The following AXL variants were observed in gnomAD, a reference collection of about 807,000 sequenced individuals.
The protein encoded by AXL is tyrosine-protein kinase receptor UFO.
Under a neutral mutation model 104.5 loss-of-function variants are expected in AXL, and 52 were observed. The ratio of observed to expected loss-of-function variants is 0.50; its 90% confidence interval spans 0.40 to 0.63. AXL has a LOEUF of 0.63. Ranked by LOEUF, AXL falls within the 20% of genes least tolerant of loss-of-function variation. The pLI is 0.00. For missense variants in AXL, 1,024 were observed against 1,188.5 expected (o/e 0.86, Z 2.04); for synonymous variants, 455 against 473.7 (o/e 0.96, Z 0.51).
chr19:41,231,871 G>A (rs2033994584), intron 6 of AXL, among the ~76,000 whole-genome samples: 1 of 150,666 alleles, frequency 6.6e-6, no homozygotes, highest in Admixed American at 6.6e-5. Context: ...AGGTTGCAGT[G>A]AGCCAAGATC....
rs561980832 is a variant in AXL at position 41,221,630 on chromosome 19, G to A, written c.410-250G>A. 3 of 540,582 alleles carry A rather than the reference G, an allele frequency of 5.5e-6. No homozygotes were observed. The East Asian group carries it at 9.8e-5, about 18-fold the overall frequency. The allele number at this position is 540,582 out of a possible 1,614,324, so 33.5% of individuals were successfully genotyped here. A position where few individuals can be genotyped will look rare whatever the true frequency, so the allele number is the denominator to read the frequency against. On this transcript the variant is annotated intron_variant, in intron 3 of 19. Coordinates refer to ENST00000301178, the MANE Select transcript of AXL (RefSeq NM_021913.5). The stretch of plus-strand genomic sequence containing the variant: ...CTCATCCATAGAATGAGATGAGGAT[G>A]AGCTGTCAGACATTCTGGAAGAGAG...
intron 12 of AXL, chr19:41,243,994 C>G (rs763629384): frequency 2.2e-5 from 7 of 313,984 alleles, no homozygotes; most frequent in Non-Finnish European, 4.2e-5. Context: ...TCACTTGAGC[C>G]CAGGAGTTCG....
At chr19:41,219,528 C>T in intron 1 of AXL, 51 bp downstream of exon 1, 1 of 1,462,734 alleles carries the variant, frequency 6.8e-7, no homozygotes, top group Non-Finnish European at 9.2e-7. Flanking sequence ...GGGGCTGGGG[C>T]AGGGGTAGGA....
chr19:41,230,943 C>T, intron 4 of AXL, 24 bp from the exon 5 acceptor site: 5 of 1,610,776 alleles, frequency 3.1e-6, no homozygotes, highest in Non-Finnish European at 4.2e-6. Context: ...TGATATTGGA[C>T]CCTTCCCTCA....
At chr19:41,235,113 G>A (rs895403195) in intron 6 of AXL, among the ~76,000 whole-genome samples, 12 of 152,276 alleles carry the variant, frequency 7.9e-5, no homozygotes, top group Middle Eastern at 3.4e-3. Context: ...AGCACTTTGG[G>A]AGGCTGAGCG....
chr19:41,241,326 T>G (rs984626385), intron 10 of AXL, among the ~76,000 whole-genome samples: 3 of 152,090 alleles, frequency 2.0e-5, no homozygotes, highest in Admixed American at 2.0e-4. Flanking sequence ...GTGGATCACC[T>G]GAGGTCAGGA....
chr19:41,259,876 C>T lies in AXL; in HGVS notation c.2657C>T (p.Ala886Val), dbSNP rs2122299719. Residue 886 changes from alanine to valine, a missense_variant, in exon 20 of 20, where the codon GCA becomes GTA. By Grantham distance (64) the Ala-to-Val change is moderately conservative. Coordinates refer to ENST00000301178, the MANE Select transcript of AXL (RefSeq NM_021913.5). ...PAQPADRGSP[A>V]APGQEDGA ...CAGCCTGCTGATAGGGGCTCCCCAG[C>T]AGCCCCAGGGCAGGAGGATGGTGCC... The T allele has an allele frequency of 6.3e-7, 1 of 1,597,308 alleles. No homozygotes were observed. Among genetic ancestry groups the T allele is most frequent in the Non-Finnish European group, 8.5e-7 (1 of 1,169,798 alleles).
At chr19:41,253,195 G>A (rs534030932) in intron 16 of AXL, among the ~76,000 whole-genome samples, 1 of 152,270 alleles carries the variant, frequency 6.6e-6, no homozygotes, top group South Asian at 2.1e-4. Context: ...AGATAAGGAG[G>A]CCAGGCAGTG....
At chr19:41,246,158 A>G (rs569199846) in intron 12 of AXL, among the ~76,000 whole-genome samples, 7 of 152,248 alleles carry the variant, frequency 4.6e-5, no homozygotes, top group Non-Finnish European at 7.3e-5. Context: ...TGTTTTAAAA[A>G]TTTATCAGGC....
intron 12 of AXL, chr19:41,244,014 T>C (rs1048881682): frequency 3.7e-6 from 1 of 273,250 alleles, no homozygotes; most frequent in African/African-American, 2.2e-5. Flanking sequence ...GAGAACAGCC[T>C]GGGCAGCATG....
intron 17 of AXL, 42 bp downstream of exon 17, chr19:41,253,750 C>T (rs373043606): frequency 3.3e-5 from 48 of 1,475,886 alleles, no homozygotes; most frequent in Non-Finnish European, 4.3e-5. Context: ...ACTGCTCCTG[C>T]ACTCCCTGAG....
intron 18 of AXL, 123 bp downstream of exon 18, chr19:41,256,734 C>A: frequency 7.5e-7 from 1 of 1,328,312 alleles, no homozygotes; most frequent in East Asian, 2.5e-5. Context: ...TTTGCAGGGG[C>A]TTGTCCACAT....
chr19:41,233,543 A>G (rs1406722151), intron 6 of AXL, among the ~76,000 whole-genome samples: 2 of 151,382 alleles, frequency 1.3e-5, no homozygotes, highest in Admixed American at 6.6e-5. Context: ...AAGTGGGACA[A>G]TCACCTGAGC....
At chr19:41,237,436 G>A (rs1300655017) in intron 6 of AXL, among the ~76,000 whole-genome samples, 2 of 152,244 alleles carry the variant, frequency 1.3e-5, no homozygotes, top group African/African-American at 4.8e-5. Context: ...AAGAGATGGG[G>A]TTTCACCACG....
At chr19:41,222,412 T>C (rs930964145) in intron 4 of AXL, among the ~76,000 whole-genome samples, 1 of 152,040 alleles carries the variant, frequency 6.6e-6, no homozygotes, top group African/African-American at 2.4e-5. Flanking sequence ...ATGGCTCGAG[T>C]GCGTGTGGGC....
intron 14 of AXL, 138 bp downstream of exon 14, chr19:41,248,958 T>A: frequency 1.2e-6 from 1 of 858,438 alleles, no homozygotes; most frequent in Non-Finnish European, 1.8e-6. Flanking sequence ...GGTACCTCAA[T>A]AGAAGGAATT....
intron 4 of AXL, among the ~76,000 whole-genome samples, chr19:41,230,013 A>G (rs1272416454): frequency 6.6e-6 from 1 of 151,248 alleles, no homozygotes; most frequent in Non-Finnish European, 1.5e-5. Flanking sequence ...ATGTGTGAGT[A>G]TGTATATATG....
At chr19:41,246,541 A>T (rs577187573) in intron 12 of AXL, among the ~76,000 whole-genome samples, 16 of 141,612 alleles carry the variant, frequency 1.1e-4, no homozygotes, top group East Asian at 1.0e-3. Context: ...ATCTCTATTT[A>T]AAAAAAAAAA....
intron 4 of AXL, chr19:41,226,812 G>A (rs1325700291): frequency 2.0e-6 from 2 of 985,336 alleles, no homozygotes; most frequent in African/African-American, 3.5e-5. Context: ...TTGGTCCCAG[G>A]GCCGGGCACC....
Sources: gnomAD v4.1 joint callset for allele counts (sites outside exome capture counted in the v4.1 genomes callset) on GRCh38, gnomAD v4.1.1 for gene constraint, MANE v1.5 for transcripts, NCBI Gene and HGNC (gene_info 2026-07-23, HGNC 2026-07-21) for gene names.